Variants in AGAP1 observed in about 807,000 individuals in gnomAD.
The protein encoded by AGAP1 is ArfGAP with GTPase domain, ankyrin repeat and PH domain 1.
AGAP1 carries 29 observed loss-of-function variants against 105.3 expected under a neutral mutation model. The observed-to-expected ratio is 0.28, with a 90% CI of 0.21 to 0.38. The LOEUF (loss-of-function observed/expected upper bound fraction) is 0.38, where lower values mean the gene tolerates loss of function less well. Among genes scored for constraint, AGAP1 ranks in the 10% least tolerant of loss-of-function variants. AGAP1 has a pLI of 1.00. For synonymous variants in AGAP1, 509 were observed against 485.9 expected (o/e 1.05, Z -0.63); for missense variants, 998 against 1,165.1 (o/e 0.86, Z 2.09).
In AGAP1 at chr2:236,104,904, A is replaced by G. The variant is rs1031914224; in HGVS notation, c.2115-15288A>G. On this transcript the variant is annotated intron_variant, in intron 16 of 17. Transcript: ENST00000304032. The surrounding 1 kb of genome is among the most constrained non-coding windows in gnomAD (Gnocchi z 4.7). ...TACAGAGCGAGACTCTGTCTCAAGG[A>G]AAAAAAAAAGGACTAGCGTGCACAG... Among the ~76,000 whole-genome samples, 19 of 149,404 alleles carry G rather than the reference A, an allele frequency of 1.3e-4. No individual in the cohort carries two copies. Among genetic ancestry groups the G allele is most frequent in the Non-Finnish European group, 2.1e-4 (14 of 67,108 alleles).
intron 1 of AGAP1, among the ~76,000 whole-genome samples, chr2:235,679,331 A>G (rs549493822): frequency 2.4e-4 from 36 of 152,208 alleles, no homozygotes; most frequent in Non-Finnish European, 3.7e-4. Flanking sequence ...AATATTGCAT[A>G]TGTGGCTGTG....
chr2:235,554,495 A>G (rs1943913741), intron 1 of AGAP1, among the ~76,000 whole-genome samples: 1 of 152,198 alleles, frequency 6.6e-6, no homozygotes, highest in African/African-American at 2.4e-5. Context: ...CCCCTGCTGC[A>G]TGTGGGCCTG....
In AGAP1 at chr2:235,893,272, G is replaced by A. The variant is rs993818648; in HGVS notation, c.1155+9823G>A. Among the ~76,000 whole-genome samples, 3 of 151,240 alleles carry A rather than the reference G, an allele frequency of 2.0e-5. No individual in the cohort carries two copies. The highest frequency in any genetic ancestry group is 2.9e-5 in the Non-Finnish European group (2 of 67,838). The stretch of plus-strand genomic sequence containing the variant: ...GCCATGTCCATCATAAGGAAGCGCC[G>A]TGTCTGTAGCGTGGGTGTAGCGTGT... On this transcript the variant is annotated intron_variant, in intron 10 of 17. Transcript: ENST00000304032. The surrounding 1 kb of genome is among the most constrained non-coding windows in gnomAD (Gnocchi z 4.7).
Position 236,095,097 on chromosome 2 carries a change from A to G in AGAP1, c.2115-25095A>G, listed in dbSNP as rs2059159489. Among the ~76,000 whole-genome samples, 1 of 150,646 alleles carries G rather than the reference A, an allele frequency of 6.6e-6. No individual in the cohort carries two copies. The highest frequency in any genetic ancestry group is 1.5e-5 in the Non-Finnish European group (1 of 67,792). On this transcript the variant is annotated intron_variant, in intron 16 of 17. Coordinates refer to ENST00000304032, the MANE Select transcript of AGAP1 (RefSeq NM_001037131.3). The surrounding 1 kb of genome is among the most constrained non-coding windows in gnomAD (Gnocchi z 4.1). ...CTTGGTGAGAGTGAGACACTGTCTC[A>G]AAAAAGTTGTGGGGGCAGGGCAGGC...
chr2:235,525,581 A>G (rs1172384874), intron 1 of AGAP1, among the ~76,000 whole-genome samples: 1 of 151,958 alleles, frequency 6.6e-6, no homozygotes, highest in Non-Finnish European at 1.5e-5. Context: ...ACTGATTTAT[A>G]AAGTAGAGGA....
Position 236,076,990 on chromosome 2 carries a change from G to T in AGAP1, c.2114+27709G>T, listed in dbSNP as rs991955134. On this transcript the variant is annotated intron_variant, in intron 16 of 17. Coordinates refer to ENST00000304032, the MANE Select transcript of AGAP1 (RefSeq NM_001037131.3). This position sits in a 1 kb window ranked among gnomAD's most constrained non-coding sequence, Gnocchi z 4.4. The stretch of plus-strand genomic sequence containing the variant: ...GCCAGGCATGGTGGTGCATGTCTGT[G>T]TCCCAGCTACTCCAGAGGCTGAGGC... Among the ~76,000 whole-genome samples the T allele has an allele frequency of 6.6e-6, 1 of 151,260 alleles. No homozygotes were observed. Among genetic ancestry groups the T allele is most frequent in the East Asian group, 2.0e-4 (1 of 5,078 alleles).
chr2:236,086,999 G>C (rs953163468), intron 16 of AGAP1, among the ~76,000 whole-genome samples: 1 of 151,968 alleles, frequency 6.6e-6, no homozygotes, highest in Non-Finnish European at 1.5e-5. Flanking sequence ...GCAAACACTC[G>C]GGAAACCCAG....
intron 11 of AGAP1, among the ~76,000 whole-genome samples, chr2:235,922,533 G>A (rs1177382570): frequency 5.9e-5 from 9 of 152,188 alleles, no homozygotes; most frequent in Admixed American, 3.9e-4. Flanking sequence ...ATTGGAAGGC[G>A]CAGGGAATGA....
chr2:235,677,395 A>G (rs1454727655), intron 1 of AGAP1, among the ~76,000 whole-genome samples: 1 of 152,176 alleles, frequency 6.6e-6, no homozygotes, highest in Non-Finnish European at 1.5e-5. Flanking sequence ...GCGACTCCTT[A>G]TCTAAGAAAT....
At chr2:235,499,029 G>A (rs774370902) in intron 1 of AGAP1, among the ~76,000 whole-genome samples, 4 of 152,174 alleles carry the variant, frequency 2.6e-5, no homozygotes, top group Non-Finnish European at 5.9e-5. Flanking sequence ...CACAGAGTGC[G>A]GAGTGTCTGA....
Position 236,120,416 on chromosome 2 carries a change from G to A in AGAP1, c.2339G>A (p.Gly780Glu). ...RTALHLACRKGNVVLAQLLIW... is the reference protein window; with the variant it reads ...RTALHLACRKENVVLAQLLIW... ...GCGCTGCATCTGGCCTGCCGCAAGG[G>A]GAATGTGGTCCTGGCGCAGCTCCTG... Residue 780 changes from glycine to glutamate, a missense_variant, in exon 17 of 18, where the codon GGG becomes GAG. By Grantham distance (98) the Gly-to-Glu change is moderately conservative (BLOSUM62 -2). This residue lies in a region of AGAP1 where 235 missense variants were observed against 270.7 expected (regional missense o/e 0.87). Transcript: ENST00000304032. This position sits in a 1 kb window ranked among gnomAD's most constrained non-coding sequence, Gnocchi z 6.0. 1 of 1,611,518 alleles carries A rather than the reference G, an allele frequency of 6.2e-7. No homozygotes were observed. The highest frequency in any genetic ancestry group is 1.7e-5 in the Admixed American group (1 of 60,014).
chr2:235,812,100 CCAT>C (rs1010140854), intron 9 of AGAP1, among the ~76,000 whole-genome samples: 2 of 152,144 alleles, frequency 1.3e-5, no homozygotes, highest in African/African-American at 2.4e-5. Flanking sequence ...GGGGGACCCT[CCAT>C]CAGGCACGCT....
chr2:235,645,396 G>T (rs561000202), intron 1 of AGAP1, among the ~76,000 whole-genome samples: 14 of 152,118 alleles, frequency 9.2e-5, no homozygotes. Flanking sequence ...TGAGGTCTCC[G>T]GCTTTGTATT....
intron 1 of AGAP1, among the ~76,000 whole-genome samples, chr2:235,676,644 G>T (rs992304713): frequency 1.3e-5 from 2 of 152,142 alleles, no homozygotes; most frequent in Admixed American, 6.5e-5. Context: ...CATAAAACAG[G>T]ATGTTACTCT....
In AGAP1 at chr2:235,889,475, T is replaced by C. The variant is rs1575704393; in HGVS notation, c.1155+6026T>C. 6.6e-6 allele frequency among the ~76,000 whole-genome samples: 1 copy of C among 152,034 alleles called. No homozygotes were observed. Among genetic ancestry groups the C allele is most frequent in the East Asian group, 1.9e-4 (1 of 5,156 alleles). The stretch of plus-strand genomic sequence containing the variant: ...TCAGCTGGGTGGTGGCCCTGGGATG[T>C]CACTTTCCTTCCCACTTAATTGCTT... On this transcript the variant is annotated intron_variant, in intron 10 of 17. Transcript: ENST00000304032. The surrounding 1 kb of genome is among the most constrained non-coding windows in gnomAD (Gnocchi z 4.6).
At chr2:235,515,064 G>T (rs138972895) in intron 1 of AGAP1, among the ~76,000 whole-genome samples, 2 of 152,312 alleles carry the variant, frequency 1.3e-5, no homozygotes, top group Non-Finnish European at 2.9e-5. Flanking sequence ...TTAAATTTAG[G>T]TAATGTTTGC....
rs1324534279 is a variant in AGAP1 at position 235,612,162 on chromosome 2, C to CT, written c.164-97013dup. ...GATGGCTTATTGTTTCACACGTTTT[C>CT]TTTTCTCAGTGAAGCCCAGGTAACC... On this transcript the variant is annotated intron_variant, in intron 1 of 17. Coordinates refer to ENST00000304032, the MANE Select transcript of AGAP1 (RefSeq NM_001037131.3). The surrounding 1 kb of genome is among the most constrained non-coding windows in gnomAD (Gnocchi z 4.3). Among the ~76,000 whole-genome samples, 1 of 152,166 alleles carries CT rather than the reference C, an allele frequency of 6.6e-6. No individual in the cohort carries two copies. The highest frequency in any genetic ancestry group is 6.5e-5 in the Admixed American group (1 of 15,280).
rs547374674 is a variant in AGAP1, at chr2:236,082,877, C to T, written c.2114+33596C>T. On this transcript the variant is annotated intron_variant, in intron 16 of 17. Coordinates refer to ENST00000304032, the MANE Select transcript of AGAP1 (RefSeq NM_001037131.3). This position sits in a 1 kb window ranked among gnomAD's most constrained non-coding sequence, Gnocchi z 4.2. ...AGGACAAGAGCAAAACTCCATCAGC[C>T]GGGCACAATGGCTCACGCCTGTAAT... Among the ~76,000 whole-genome samples the T allele has an allele frequency of 4.7e-5, 7 of 150,182 alleles. No homozygotes were observed. The highest frequency in any genetic ancestry group is 4.0e-4 in the East Asian group (2 of 5,026).
At chr2:236,099,437 A>G (rs772875693) in intron 16 of AGAP1, among the ~76,000 whole-genome samples, 44 of 151,876 alleles carry the variant, frequency 2.9e-4, no homozygotes, top group Non-Finnish European at 6.2e-4. Flanking sequence ...CCTGGGCGAC[A>G]GAGCGAGACT....
Sources: allele counts gnomAD v4.1 joint callset (sites outside exome capture counted in the v4.1 genomes callset), GRCh38; gene constraint gnomAD v4.1.1; regional missense constraint gnomAD v4.1.1; non-coding constraint Gnocchi (gnomAD v3.1); transcripts MANE v1.5; gene names NCBI Gene and HGNC (gene_info 2026-07-23, HGNC 2026-07-21).